The following PPP6R3 variants were observed in gnomAD, a reference collection of about 807,000 sequenced individuals.
PPP6R3 encodes serine/threonine-protein phosphatase 6 regulatory subunit 3.
PPP6R3 carries 38 observed loss-of-function variants against 110.7 expected under a neutral mutation model. That is an observed-to-expected ratio of 0.34 (90% CI 0.26 to 0.45). The LOEUF is 0.45. Among genes scored for constraint, PPP6R3 ranks in the 20% least tolerant of loss-of-function variants. The probability of loss-of-function intolerance (pLI) is 1.00; values close to 1 mark genes in which losing one functional copy is unlikely to be tolerated. For synonymous variants in PPP6R3, 369 were observed against 373.5 expected (o/e 0.99, Z 0.14); for missense variants, 870 against 1,062.4 (o/e 0.82, Z 2.52).
chr11:68,562,247 G>T (rs1295490794), intron 8 of PPP6R3, among the ~76,000 whole-genome samples: 1 of 152,144 alleles, frequency 6.6e-6, no homozygotes, highest in African/African-American at 2.4e-5. Context: ...CAAAATGTGT[G>T]CAAGGCTTAA....
rs780907988 is a variant in PPP6R3, at chr11:68,601,918, C to T, written c.2248C>T (p.Pro750Ser). ...AGTGGAAATGGAAACCAGCACTGAA[C>T]CCATGGACCCTCTGACTCCCAGTGC... ...SPVEMETSTE[P>S]MDPLTPSAAA... The change falls in exon 21 of 24, where the codon CCC becomes TCC. Residue 750 changes from proline to serine, a missense_variant. Pro to Ser is a moderately conservative substitution (Grantham distance 74). Coordinates refer to ENST00000393800, the MANE Select transcript of PPP6R3 (RefSeq NM_001164161.2). 6.2e-6 allele frequency: 10 copies of T among 1,613,556 alleles called. No homozygotes were observed. The Admixed American group carries it at 1.2e-4, about 19-fold the overall frequency.
At chr11:68,531,325 T>TTATA (rs1188683173) in intron 2 of PPP6R3, among the ~76,000 whole-genome samples, 1 of 149,548 alleles carries the variant, frequency 6.7e-6, no homozygotes, top group Admixed American at 6.7e-5. Flanking sequence ...ATTTATTTAT[T>TTATA]TATTTATTTA....
chr11:68,580,684 A>G (rs1728102088), intron 14 of PPP6R3, among the ~76,000 whole-genome samples: 2 of 135,974 alleles, frequency 1.5e-5, no homozygotes, highest in African/African-American at 5.5e-5. Context: ...TCAGTTTTGT[A>G]TACATCTGAA....
At chr11:68,544,571 T>C (rs1415888046) in intron 3 of PPP6R3, among the ~76,000 whole-genome samples, 1 of 152,256 alleles carries the variant, frequency 6.6e-6, no homozygotes, top group East Asian at 1.9e-4. Context: ...ATGACCTCTC[T>C]GGGCTTCTGA....
chr11:68,511,729 C>CCT (rs2099111379), intron 1 of PPP6R3, among the ~76,000 whole-genome samples: 1 of 147,894 alleles, frequency 6.8e-6, no homozygotes. Flanking sequence ...GATCCACCCG[C>CCT]CTCGGCCTCC....
chr11:68,516,233 C>T (rs552953504), intron 1 of PPP6R3, among the ~76,000 whole-genome samples: 8 of 152,254 alleles, frequency 5.3e-5, no homozygotes, highest in Admixed American at 1.3e-4. Flanking sequence ...TTGGAAATTT[C>T]GAAATGCTTC....
chr11:68,565,150 C>T (rs1368196631), intron 9 of PPP6R3, among the ~76,000 whole-genome samples: 5 of 131,326 alleles, frequency 3.8e-5, no homozygotes, highest in Non-Finnish European at 6.7e-5. Flanking sequence ...ATCTACTGTG[C>T]GAGTTATTGG....
chr11:68,552,416 C>G (rs560462057), intron 6 of PPP6R3, among the ~76,000 whole-genome samples: 43 of 152,308 alleles, frequency 2.8e-4, no homozygotes, highest in African/African-American at 9.1e-4. Context: ...CTTTTCATAC[C>G]TGGACTTTAT....
At chr11:68,605,185 C>G (rs979434044) in intron 22 of PPP6R3, among the ~76,000 whole-genome samples, 3 of 152,022 alleles carry the variant, frequency 2.0e-5, no homozygotes, top group African/African-American at 4.8e-5. Flanking sequence ...GCAAAAAATA[C>G]AAAAATTAGC....
intron 1 of PPP6R3, among the ~76,000 whole-genome samples, chr11:68,498,928 T>C (rs2099033511): frequency 6.6e-6 from 1 of 152,184 alleles, no homozygotes; most frequent in Non-Finnish European, 1.5e-5. Context: ...CCATCAGCAG[T>C]GTGTGAAAGT....
intron 1 of PPP6R3, among the ~76,000 whole-genome samples, chr11:68,469,304 G>A (rs1037701708): frequency 2.6e-5 from 4 of 152,142 alleles, no homozygotes; most frequent in Non-Finnish European, 5.9e-5. Flanking sequence ...TTTTGTCTTT[G>A]TTTATCTTTT....
At chr11:68,550,163 G>A (rs115213454) in intron 5 of PPP6R3, among the ~76,000 whole-genome samples, 69 of 152,314 alleles carry the variant, frequency 4.5e-4, no homozygotes, top group African/African-American at 1.6e-3. Context: ...GATTCTCGGA[G>A]AATTTGTGTG....
intron 1 of PPP6R3, among the ~76,000 whole-genome samples, chr11:68,468,544 G>A (rs1479880192): frequency 6.6e-6 from 1 of 152,184 alleles, no homozygotes; most frequent in Admixed American, 6.5e-5. Flanking sequence ...TGTAACAAAA[G>A]TACAGAAACA....
intron 1 of PPP6R3, among the ~76,000 whole-genome samples, chr11:68,478,647 G>GTTGTTTTTTTTTTTTTT (rs2098860140): frequency 4.0e-5 from 2 of 50,506 alleles, no homozygotes; most frequent in Non-Finnish European, 6.3e-5. Context: ...CACTTGGTAA[G>GTTGTTTTTTTTTTTTTT]TTTTTTTTTT....
Position 68,519,596 on chromosome 11 carries a change from G to A in PPP6R3, c.-62G>A, listed in dbSNP as rs1415489845. On this transcript the variant is annotated 5_prime_UTR_variant, in exon 2 of 24. Coordinates refer to ENST00000393800, the MANE Select transcript of PPP6R3 (RefSeq NM_001164161.2). The stretch of plus-strand genomic sequence containing the variant: ...CTGTTACCAGGATAACCTGTAATGG[G>A]CAAGGAGCCACAAAGAAGAAAACAT... 1 of 398,442 alleles carries A rather than the reference G, an allele frequency of 2.5e-6. No homozygotes were observed. Among genetic ancestry groups the A allele is most frequent in the African/African-American group, 2.1e-5 (1 of 48,608 alleles). The allele number at this position is 398,442 out of a possible 1,614,324, so 24.7% of individuals were successfully genotyped here.
intron 20 of PPP6R3, among the ~76,000 whole-genome samples, chr11:68,600,748 C>T (rs748927901): frequency 9.9e-5 from 15 of 152,058 alleles, no homozygotes; most frequent in Non-Finnish European, 2.1e-4. Context: ...GGATGCGGTC[C>T]CAGGGAGTTA....
At chr11:68,490,570 T>C (rs189300426) in intron 1 of PPP6R3, among the ~76,000 whole-genome samples, 165 of 152,282 alleles carry the variant, frequency 1.1e-3, no homozygotes, top group African/African-American at 3.7e-3. Flanking sequence ...TTTCCAGATA[T>C]TACCATCACA....
intron 1 of PPP6R3, chr11:68,505,171 G>A (rs2099069204): frequency 6.6e-6 from 1 of 152,172 alleles, no homozygotes; most frequent in Admixed American, 6.5e-5. Context: ...AGAGAGATGT[G>A]GTGACTTGCT....
chr11:68,522,369 G>A (rs2099168319), intron 2 of PPP6R3: 1 of 152,252 alleles, frequency 6.6e-6, no homozygotes, highest in South Asian at 2.1e-4. Context: ...ACCAGAGAAA[G>A]TTGTTTAAAT....
Sources: allele counts gnomAD v4.1 joint callset (sites outside exome capture counted in the v4.1 genomes callset), GRCh38; gene constraint gnomAD v4.1.1; transcripts MANE v1.5; gene names NCBI Gene and HGNC (gene_info 2026-07-23, HGNC 2026-07-21).